The following OR2L13 variants were observed in gnomAD, a reference collection of about 807,000 sequenced individuals.
OR2L13 encodes olfactory receptor family 2 subfamily L member 13, also known as olfactory receptor 2L13.
Under a neutral mutation model 15.3 loss-of-function variants are expected in OR2L13, and 14 were observed. That is an observed-to-expected ratio of 0.91 (90% CI 0.60 to 1.43). OR2L13 has a LOEUF of 1.43. OR2L13 is among the 40% of genes most tolerant of loss of function. The pLI, the probability that OR2L13 is intolerant of heterozygous loss-of-function variation, is 0.00. For synonymous variants in OR2L13, 152 were observed against 142.9 expected, an observed-to-expected ratio of 1.06 and a Z score of -0.45; for missense variants, 367 against 387.9, an observed-to-expected ratio of 0.95 and a Z score of 0.45.
the OR2L13 span, among the ~76,000 whole-genome samples, chr1:248,025,649 T>C: frequency 0.24 from 31,754 of 132,162 alleles, 7,664 homozygotes; most frequent in African/African-American, 0.64. Context: ...CACATGCACA[T>C]GTATGTTTAT....
the OR2L13 span, among the ~76,000 whole-genome samples, chr1:248,008,870 A>C: frequency 1.3e-5 from 2 of 152,214 alleles, no homozygotes; most frequent in East Asian, 3.8e-4. Context: ...ATTAGAACTC[A>C]GGACTAAGAA....
chr1:248,064,405 TTTGTC>T, the OR2L13 span, among the ~76,000 whole-genome samples: 4 of 152,170 alleles, frequency 2.6e-5, no homozygotes, highest in Non-Finnish European at 5.9e-5. Flanking sequence ...CTTCAGTCAC[TTTGTC>T]TTAAGACAAA....
the OR2L13 span, among the ~76,000 whole-genome samples, chr1:248,079,911 C>A: frequency 6.6e-6 from 1 of 152,092 alleles, no homozygotes. Context: ...TGAAACAGCT[C>A]CACTATGAAT....
chr1:248,001,813 C>T, the OR2L13 span, among the ~76,000 whole-genome samples: 1 of 152,044 alleles, frequency 6.6e-6, no homozygotes. Flanking sequence ...CATTAAATAT[C>T]AGATCTGATG....
At chr1:248,075,881 T>C in the OR2L13 span, among the ~76,000 whole-genome samples, 1,774 of 152,346 alleles carry the variant, frequency 0.012, 33 homozygotes, top group African/African-American at 0.04. Flanking sequence ...TTTTGGCTTT[T>C]GTTGCCATTG....
the OR2L13 span, chr1:248,003,041 C>A: frequency 1.4e-6 from 1 of 726,110 alleles, no homozygotes; most frequent in South Asian, 1.7e-5. Context: ...TGTTATTGGT[C>A]TATTCAGGGA....
At chr1:248,044,322 G>A in the OR2L13 span, among the ~76,000 whole-genome samples, 1 of 152,050 alleles carries the variant, frequency 6.6e-6, no homozygotes, top group Non-Finnish European at 1.5e-5. Context: ...CTTATATATT[G>A]GGCCTAAAAA....
chr1:248,008,320 T>G, the OR2L13 span, among the ~76,000 whole-genome samples: 1 of 152,192 alleles, frequency 6.6e-6, no homozygotes. Flanking sequence ...CTATAATTTA[T>G]CATTCTTTGT....
the OR2L13 span, chr1:248,061,665 C>G: frequency 2.0e-6 from 3 of 1,480,692 alleles, no homozygotes; most frequent in Non-Finnish European, 9.2e-7. Context: ...ACACATCCAT[C>G]CAGCAGTGTA....
chr1:248,048,511 T>C, the OR2L13 span, among the ~76,000 whole-genome samples: 2 of 152,134 alleles, frequency 1.3e-5, no homozygotes, highest in Non-Finnish European at 2.9e-5. Flanking sequence ...AGACACTCTT[T>C]TGTGTCATCT....
chr1:248,027,723 G>A, the OR2L13 span, among the ~76,000 whole-genome samples: 1 of 152,128 alleles, frequency 6.6e-6, no homozygotes, highest in Non-Finnish European at 1.5e-5. Flanking sequence ...GTAGAATGGT[G>A]ATTACTCAAA....
chr1:247,964,651 A>G, the OR2L13 span, among the ~76,000 whole-genome samples: 3 of 151,930 alleles, frequency 2.0e-5, no homozygotes, highest in African/African-American at 7.2e-5. Context: ...TAGTTCATTA[A>G]TTCATTCTAC....
the OR2L13 span, among the ~76,000 whole-genome samples, chr1:248,044,663 C>T: frequency 8.5e-6 from 1 of 117,806 alleles, no homozygotes; most frequent in Non-Finnish European, 1.6e-5. Flanking sequence ...ATTAGCCGGG[C>T]GCGGTGGCGG....
chr1:247,946,443 A>G, the OR2L13 span, among the ~76,000 whole-genome samples: 1 of 152,172 alleles, frequency 6.6e-6, no homozygotes. Flanking sequence ...TATTATGATG[A>G]AGCTGCAGGT....
At chr1:247,960,013 G>A in the OR2L13 span, among the ~76,000 whole-genome samples, 1,858 of 152,242 alleles carry the variant, frequency 0.012, 42 homozygotes, top group African/African-American at 0.042. Flanking sequence ...GAGGAGAGGC[G>A]CTCTGATTTT....
At chr1:248,029,769 C>T in the OR2L13 span, among the ~76,000 whole-genome samples, 1 of 152,236 alleles carries the variant, frequency 6.6e-6, no homozygotes, top group African/African-American at 2.4e-5. Flanking sequence ...GCCTAAATAA[C>T]AACATTCAAA....
At chr1:248,033,608 TG>T in the OR2L13 span, among the ~76,000 whole-genome samples, 7 of 24,502 alleles carry the variant, frequency 2.9e-4, no homozygotes, top group Non-Finnish European at 9.7e-4. Context: ...GGCTAATTTT[TG>T]TTTTTTTTTT....
chr1:247,966,198 G>A, the OR2L13 span: 1 of 1,613,812 alleles, frequency 6.2e-7, no homozygotes. Context: ...ATAAGGCGGT[G>A]GCAGTATTTT....
upstream of OR2L13, among the ~76,000 whole-genome samples, chr1:248,090,389 T>C (rs2103186227): frequency 6.8e-6 from 1 of 146,106 alleles, no homozygotes; most frequent in African/African-American, 2.5e-5. Context: ...GATTATTTTG[T>C]CATGCAGGTA....
Sources: allele counts gnomAD v4.1 joint callset (sites outside exome capture counted in the v4.1 genomes callset), GRCh38; gene constraint gnomAD v4.1.1; transcripts MANE v1.5; gene names NCBI Gene and HGNC (gene_info 2026-07-23, HGNC 2026-07-21).